Variants in GAS7 observed in about 807,000 individuals in gnomAD.
The protein encoded by GAS7 is growth arrest-specific protein 7.
Under a neutral mutation model 71.1 loss-of-function variants are expected in GAS7, and 28 were observed. The observed-to-expected ratio is 0.39, with a 90% CI of 0.29 to 0.54. The LOEUF (loss-of-function observed/expected upper bound fraction) is 0.54, where lower values mean the gene tolerates loss of function less well. Among genes scored for constraint, GAS7 ranks in the 20% least tolerant of loss-of-function variants. The pLI, the probability that GAS7 is intolerant of heterozygous loss-of-function variation, is 0.62. For synonymous variants in GAS7, 258 were observed against 245.8 expected (o/e 1.05, Z -0.46); for missense variants, 436 against 627.8 (o/e 0.69, Z 3.27).
rs2068307881 is a variant in GAS7 at position 9,934,160 on chromosome 17, G to A, written c.885+6C>T. ...CCAACTGAGGGTGGCTGCAGGGAGG[G>A]GTTACCTTGGCAGAGAACTTGAGGT... is the stretch of plus-strand genomic sequence containing the variant. On this transcript the variant is annotated splice_donor_region_variant and intron_variant, in intron 9 of 13. Transcript: ENST00000432992. 1 of 1,594,448 alleles carries A rather than the reference G, an allele frequency of 6.3e-7. No homozygotes were observed. The highest frequency in any genetic ancestry group is 8.6e-7 in the Non-Finnish European group (1 of 1,162,022).
rs1168601646 is a variant in GAS7 at position 9,915,933 on chromosome 17, C to T, written c.*1295G>A. ...AGCACTGAAAGCTTCCCAAGTCACA[C>T]TCAGACCAGACTTTTCCAGGGATTG... On this transcript the variant is annotated 3_prime_UTR_variant, in exon 14 of 14. Coordinates refer to ENST00000432992, the MANE Select transcript of GAS7 (RefSeq NM_201433.2). 4.3e-6 allele frequency: 1 copy of T among 232,762 alleles called. No individual in the cohort carries two copies. Among genetic ancestry groups the T allele is most frequent in the Non-Finnish European group, 8.5e-6 (1 of 117,872 alleles). 14.4% of individuals were successfully genotyped at this position (232,762 alleles called of 1,614,324 possible).
Position 10,049,033 on chromosome 17 carries a change from G to T in GAS7, c.184-29136C>A, listed in dbSNP as rs1597748922. ...CAAGGCCAGTGCAGATGAAGCAATG[G>T]GCCATGTGTGAGGAGCACGCATAAC... On this transcript the variant is annotated intron_variant, in intron 1 of 13. Coordinates refer to ENST00000432992, the MANE Select transcript of GAS7 (RefSeq NM_201433.2). 2.0e-5 allele frequency among the ~76,000 whole-genome samples: 3 copies of T among 152,284 alleles called. No individual in the cohort carries two copies. The East Asian group carries it at 5.8e-4, about 29-fold the overall frequency.
At chr17:10,135,928 G>A (rs1009681344) in intron 1 of GAS7, among the ~76,000 whole-genome samples, 7 of 152,162 alleles carry the variant, frequency 4.6e-5, no homozygotes, top group East Asian at 1.9e-4. Context: ...AGATGAAGAC[G>A]AGACTTTTTG....
intron 1 of GAS7, among the ~76,000 whole-genome samples, chr17:10,123,626 AG>A (rs1419275625): frequency 2.6e-5 from 4 of 152,200 alleles, no homozygotes; most frequent in Non-Finnish European, 5.9e-5. Flanking sequence ...ATCATCTCTC[AG>A]CACTTTTGGG....
intron 2 of GAS7, among the ~76,000 whole-genome samples, chr17:10,004,184 CTTTGCAAA>C (rs1455337962): frequency 6.6e-6 from 1 of 152,192 alleles, no homozygotes; most frequent in Non-Finnish European, 1.5e-5. Context: ...AGCATTCTGT[CTTTGCAAA>C]CAAGAAGCCA....
intron 4 of GAS7, among the ~76,000 whole-genome samples, chr17:9,961,868 T>C (rs567481951): frequency 2.0e-5 from 3 of 152,338 alleles, no homozygotes; most frequent in African/African-American, 7.2e-5. Flanking sequence ...TCTTCCGCCA[T>C]CTCTCCACTT....
Position 9,919,694 on chromosome 17 carries a change from T to C in GAS7, c.1150A>G (p.Met384Val). The change falls in exon 12 of 14, where the codon ATG (methionine) becomes GTG (valine). Residue 384 changes from methionine to valine, a missense_variant. Transcript: ENST00000432992. The surrounding 1 kb of genome is among the most constrained non-coding windows in gnomAD (Gnocchi z 5.0). The part of the protein sequence containing the change: ...RKSTQAGDDL[M>V]RCVDLYNQAQ... Reference sequence around the variant, plus strand: ...TGGTTGTAGAGATCCACACAGCGCATGAGGTCGTCTCCTGGAAAAAGACCA... The same window carrying C: ...TGGTTGTAGAGATCCACACAGCGCACGAGGTCGTCTCCTGGAAAAAGACCA... 6.2e-7 allele frequency: 1 copy of C among 1,613,052 alleles called. No homozygotes were observed. Among genetic ancestry groups the C allele is most frequent in the East Asian group, 2.2e-5 (1 of 44,866 alleles).
chr17:9,956,211 A>G (rs998545642), intron 5 of GAS7, among the ~76,000 whole-genome samples: 12 of 152,186 alleles, frequency 7.9e-5, no homozygotes, highest in African/African-American at 2.9e-4. Flanking sequence ...AGAAGGGAAA[A>G]TGGTTTGACA....
intron 2 of GAS7, among the ~76,000 whole-genome samples, chr17:9,986,579 C>T (rs1399273001): frequency 2.6e-5 from 4 of 152,182 alleles, no homozygotes; most frequent in African/African-American, 4.8e-5. Context: ...CCAGCAGCTC[C>T]GGGGGCTGCA....
At chr17:10,145,621 TG>T in intron 1 of GAS7, among the ~76,000 whole-genome samples, 1 of 152,302 alleles carries the variant, frequency 6.6e-6, no homozygotes. Flanking sequence ...AATCCTGGCA[TG>T]GGTTCAGGGG....
At chr17:10,074,733 T>C (rs550726067) in intron 1 of GAS7, among the ~76,000 whole-genome samples, 75 of 152,290 alleles carry the variant, frequency 4.9e-4, no homozygotes, top group Non-Finnish European at 9.3e-4. Flanking sequence ...AACCACTTAA[T>C]CCAATCTCTT....
chr17:10,158,889 T>C (rs2074226860), intron 1 of GAS7, among the ~76,000 whole-genome samples: 1 of 151,042 alleles, frequency 6.6e-6, no homozygotes, highest in Non-Finnish European at 1.5e-5. Context: ...ACCTCATCTC[T>C]TCTAAAAAAT....
At chr17:10,016,090 A>G (rs1210523376) in intron 2 of GAS7, among the ~76,000 whole-genome samples, 3 of 152,214 alleles carry the variant, frequency 2.0e-5, no homozygotes, top group African/African-American at 7.2e-5. Flanking sequence ...TCAAACAGAT[A>G]AACAATAAGT....
Position 9,910,731 on chromosome 17 carries a change from C to G in GAS7, c.*6497G>C. ...TACACACAAATGCGGTAACAGGGGT[C>G]AGGGGGGTGGTGCGGGGGCAGGTGG... is the stretch of plus-strand genomic sequence containing the variant. On this transcript the variant is annotated 3_prime_UTR_variant, in exon 14 of 14. Coordinates refer to ENST00000432992, the MANE Select transcript of GAS7 (RefSeq NM_201433.2). 1 of 220,414 alleles carries G rather than the reference C, an allele frequency of 4.5e-6. No homozygotes were observed. Among genetic ancestry groups the G allele is most frequent in the East Asian group, 6.7e-5 (1 of 14,902 alleles). 13.7% of individuals were successfully genotyped at this position (220,414 alleles called of 1,614,324 possible).
chr17:10,102,235 T>C (rs1247025840), intron 1 of GAS7, among the ~76,000 whole-genome samples: 1 of 118,578 alleles, frequency 8.4e-6, no homozygotes, highest in Non-Finnish European at 1.8e-5. Context: ...AAAAAAAGAA[T>C]CTTCCCCATT....
intron 2 of GAS7, among the ~76,000 whole-genome samples, chr17:9,991,165 C>A (rs759940060): frequency 3.9e-5 from 6 of 152,180 alleles, no homozygotes; most frequent in Non-Finnish European, 5.9e-5. Context: ...CTTTGCTTCC[C>A]AACTTCTACC....
At chr17:9,917,965 G>A (rs370226139) in intron 13 of GAS7, 36 bp downstream of exon 13, 22 of 1,476,530 alleles carry the variant, frequency 1.5e-5, no homozygotes, top group African/African-American at 9.7e-5. Context: ...CCCAGGCCCC[G>A]TGTCGCCCGG....
chr17:10,117,733 C>T lies in GAS7; in HGVS notation c.183+80475G>A. ...TCCTGTGAAAACAACAGACTAGGGA[C>T]CAGCAGAGCAGCCAGGAGGCGCCTG... On this transcript the variant is annotated intron_variant, in intron 1 of 13. Transcript: ENST00000432992. Among the ~76,000 whole-genome samples, 2 of 152,150 alleles carry T rather than the reference C, an allele frequency of 1.3e-5. 1 individual carries two copies. The highest frequency in any genetic ancestry group is 4.8e-5 in the African/African-American group (2 of 41,428).
intron 3 of GAS7, among the ~76,000 whole-genome samples, chr17:9,978,783 A>G (rs1357109640): frequency 6.6e-6 from 1 of 152,208 alleles, no homozygotes; most frequent in East Asian, 1.9e-4. Flanking sequence ...AGGACTCTTC[A>G]TGCTGACGTA....
Sources: gnomAD v4.1 joint callset for allele counts (sites outside exome capture counted in the v4.1 genomes callset) on GRCh38, gnomAD v4.1.1 for gene constraint, Gnocchi (gnomAD v3.1) non-coding constraint, MANE v1.5 for transcripts, NCBI Gene and HGNC (gene_info 2026-07-23, HGNC 2026-07-21) for gene names.